Variants in UGT2B7 observed in about 807,000 individuals in gnomAD.
UGT2B7 encodes UDP-glucuronosyltransferase 2B7.
UGT2B7 carries 51 observed loss-of-function variants against 51.9 expected under a neutral mutation model. That is an observed-to-expected ratio of 0.98 (90% CI 0.78 to 1.24). The LOEUF (loss-of-function observed/expected upper bound fraction) is 1.24. Ranked by LOEUF, UGT2B7 falls within the 50% of genes most tolerant of loss-of-function variation. The pLI is 0.00. For missense variants in UGT2B7, 727 were observed against 628.4 expected, an observed-to-expected ratio of 1.16 and a Z score of -1.68; for synonymous variants, 225 against 211.6, an observed-to-expected ratio of 1.06 and a Z score of -0.55.
intron 2 of UGT2B7, among the ~76,000 whole-genome samples, chr4:69,100,359 CAT>C (rs1719382707): frequency 6.6e-6 from 1 of 151,964 alleles, no homozygotes. Flanking sequence ...ACAATAAACT[CAT>C]ATATTTTAAA....
intron 1 of UGT2B7, among the ~76,000 whole-genome samples, chr4:69,077,337 T>C (rs893131300): frequency 2.0e-5 from 3 of 152,184 alleles, no homozygotes; most frequent in African/African-American, 7.2e-5. Context: ...AATGATAGCT[T>C]GATGGCAATA....
chr4:69,102,455 C>A (rs1174806050), intron 2 of UGT2B7, among the ~76,000 whole-genome samples: 1 of 152,052 alleles, frequency 6.6e-6, no homozygotes, highest in Non-Finnish European at 1.5e-5. Flanking sequence ...TTTCCAAGAA[C>A]CTATATTAGT....
Position 69,098,631 on chromosome 4 carries a change from A to G in UGT2B7, c.813A>G (p.Leu271=). The G allele has an allele frequency of 6.2e-7, 1 of 1,612,610 alleles. No homozygotes were observed. The highest frequency in any genetic ancestry group is 8.5e-7 in the Non-Finnish European group (1 of 1,179,130). Residue 271 remains leucine, a synonymous_variant, in exon 2 of 6, where the codon TTA becomes TTG. Coordinates refer to ENST00000305231, the MANE Select transcript of UGT2B7 (RefSeq NM_001074.4). Reference sequence around the variant, plus strand: ...ATTTTCAGTTTCCATATCCACTCTTACCAAATGTTGATTTTGTTGGAGGAC... The same window carrying G: ...ATTTTCAGTTTCCATATCCACTCTTGCCAAATGTTGATTTTGTTGGAGGAC... The part of the protein sequence containing the change: ...SWNFQFPYPL[L]PNVDFVGGLH...
intron 3 of UGT2B7, 46 bp downstream of exon 3, chr4:69,102,984 TGTTA>T: frequency 6.3e-7 from 1 of 1,584,160 alleles, no homozygotes. Context: ...TGAAAGAGGC[TGTTA>T]AAGTTTGAAG....
At chr4:69,063,784 G>A (rs1718409779) in intron 1 of UGT2B7, among the ~76,000 whole-genome samples, 1 of 151,924 alleles carries the variant, frequency 6.6e-6, no homozygotes, top group Admixed American at 6.6e-5. Flanking sequence ...GGGTAGTGTT[G>A]GCTATATTAA....
At chr4:69,073,659 A>G (rs773884744) in intron 1 of UGT2B7, among the ~76,000 whole-genome samples, 1 of 152,214 alleles carries the variant, frequency 6.6e-6, no homozygotes, top group Non-Finnish European at 1.5e-5. Flanking sequence ...CACTTGAGAC[A>G]AACACATTGA....
chr4:69,081,667 C>T (rs1372171902), intron 1 of UGT2B7, among the ~76,000 whole-genome samples: 4 of 152,120 alleles, frequency 2.6e-5, no homozygotes, highest in East Asian at 3.9e-4. Context: ...TTCCTTTAGC[C>T]ACTCTGTCTA....
At chr4:69,088,609 T>G (rs1307139202) in intron 1 of UGT2B7, among the ~76,000 whole-genome samples, 1 of 152,132 alleles carries the variant, frequency 6.6e-6, no homozygotes, top group East Asian at 1.9e-4. Context: ...CTGCCAAAGA[T>G]TCAGGCCTTC....
chr4:69,067,974 T>C (rs544504700), intron 1 of UGT2B7, among the ~76,000 whole-genome samples: 12 of 152,244 alleles, frequency 7.9e-5, no homozygotes, highest in South Asian at 2.1e-4. Flanking sequence ...AGCACACTTA[T>C]GTTGTCTTTC....
At chr4:69,090,012 A>T (rs1719050121) in intron 2 of UGT2B7, among the ~76,000 whole-genome samples, 1 of 152,214 alleles carries the variant, frequency 6.6e-6, no homozygotes, top group South Asian at 2.1e-4. Flanking sequence ...AATATCCTCA[A>T]CATATTTGAT....
Position 69,080,721 on chromosome 4 carries a change from T to C in UGT2B7, c.-158-8751T>C, listed in dbSNP as rs144427473. On this transcript the variant is annotated intron_variant, in intron 1 of 5. Transcript: ENST00000502942. ...AAGCATAGCTTCATCTGAAAAAAAT[T>C]AAATGCAATTGACTTTCTGTACTAA... is the stretch of plus-strand genomic sequence containing the variant. 2.2e-3 allele frequency among the ~76,000 whole-genome samples: 342 copies of C among 152,206 alleles called. 2 individuals carry two copies. Among genetic ancestry groups the C allele is most frequent in the African/African-American group, 7.8e-3 (325 of 41,562 alleles).
chr4:69,105,537 G>A (rs1296174751), intron 3 of UGT2B7, among the ~76,000 whole-genome samples: 1 of 152,154 alleles, frequency 6.6e-6, no homozygotes, highest in Non-Finnish European at 1.5e-5. Flanking sequence ...TATTGTCAAA[G>A]CTTTGTAGCA....
chr4:69,054,405 T>C (rs1455992043), intron 1 of UGT2B7, among the ~76,000 whole-genome samples: 1 of 152,118 alleles, frequency 6.6e-6, no homozygotes, highest in Non-Finnish European at 1.5e-5. Flanking sequence ...AACCTAAACA[T>C]AAAGTCTCCC....
chr4:69,087,695 C>T (rs6600874), intron 1 of UGT2B7, among the ~76,000 whole-genome samples: 87,576 of 151,702 alleles, frequency 0.58, 26,276 homozygotes, highest in African/African-American at 0.71. Flanking sequence ...AGAATTGCTT[C>T]GGTAGGCTCA....
intron 1 of UGT2B7, among the ~76,000 whole-genome samples, chr4:69,077,578 C>CTTT (rs140868340): frequency 6.7e-6 from 1 of 148,862 alleles, no homozygotes. Flanking sequence ...TGATTTGGCT[C>CTTT]TCTTTTTTTT....
upstream of UGT2B7, among the ~76,000 whole-genome samples, chr4:69,091,768 C>T (rs1719090326): frequency 6.6e-6 from 1 of 152,118 alleles, no homozygotes; most frequent in Admixed American, 6.6e-5. Flanking sequence ...ATGTCAAAAA[C>T]ATTCCAGATA....
rs569883266 is a variant in UGT2B7 at position 69,059,491 on chromosome 4, T to C, written c.-159+7889T>C. On this transcript the variant is annotated intron_variant, in intron 1 of 5. Coordinates refer to the UGT2B7 transcript ENST00000502942. The stretch of plus-strand genomic sequence containing the variant: ...TATGATGTTAACCCGTACTGTACCA[T>C]AGGCTGAAGAATAGAGGCTATATGC... 3.3e-5 allele frequency among the ~76,000 whole-genome samples: 5 copies of C among 152,274 alleles called. No individual in the cohort carries two copies. In the East Asian group the frequency reaches 7.7e-4, roughly 24 times the overall value.
chr4:69,058,501 G>C (rs974725647), intron 1 of UGT2B7, among the ~76,000 whole-genome samples: 1 of 152,114 alleles, frequency 6.6e-6, no homozygotes, highest in African/African-American at 2.4e-5. Context: ...ATACCAAAAG[G>C]CACTCCTGCA....
intron 1 of UGT2B7, among the ~76,000 whole-genome samples, chr4:69,060,688 C>G (rs79325920): frequency 0.058 from 8,884 of 152,310 alleles, 373 homozygotes; most frequent in Non-Finnish European, 0.087. Flanking sequence ...TTTTAAGACA[C>G]TAGCTATCAC....
Sources: gnomAD v4.1 joint callset for allele counts (sites outside exome capture counted in the v4.1 genomes callset) on GRCh38, gnomAD v4.1.1 for gene constraint, MANE v1.5 for transcripts, NCBI Gene and HGNC (gene_info 2026-07-23, HGNC 2026-07-21) for gene names.